Variants in ANKRD13C observed in about 807,000 individuals in gnomAD.
The protein encoded by ANKRD13C is ankyrin repeat domain-containing protein 13C.
In ANKRD13C, 16 loss-of-function variants were observed where a neutral mutation model predicts 65.5. The ratio of observed to expected loss-of-function variants is 0.24; its 90% CI spans 0.17 to 0.37. ANKRD13C has a LOEUF of 0.37. ANKRD13C is among the 10% of genes least tolerant of loss of function. The pLI, the probability that ANKRD13C is intolerant of heterozygous loss-of-function variation, is 1.00. For missense variants in ANKRD13C, 503 were observed against 655.9 expected, an observed-to-expected ratio of 0.77 and a Z score of 2.55; for synonymous variants, 235 against 238.7, an observed-to-expected ratio of 0.98 and a Z score of 0.14.
At chr1:70,350,048 CAGG>C (rs1367366486) in intron 1 of ANKRD13C, among the ~76,000 whole-genome samples, 1 of 152,194 alleles carries the variant, frequency 6.6e-6, no homozygotes, top group South Asian at 2.1e-4. Context: ...GAGGCTGAGA[CAGG>C]AGAATTGCTT....
intron 11 of ANKRD13C, among the ~76,000 whole-genome samples, chr1:70,274,493 A>AG (rs1395806889): frequency 2.2e-4 from 32 of 147,652 alleles, no homozygotes; most frequent in African/African-American, 7.3e-4. Flanking sequence ...AAAAAAAAAA[A>AG]AAAGAAAGAA....
At chr1:70,273,674 C>CT (rs571456040) in intron 11 of ANKRD13C, among the ~76,000 whole-genome samples, 440 of 146,262 alleles carry the variant, frequency 3.0e-3, no homozygotes, top group Middle Eastern at 0.017. Flanking sequence ...TTTCTTTTTT[C>CT]TTTTTTTTTT....
chr1:70,307,101 A>G (rs1390657150), intron 5 of ANKRD13C, among the ~76,000 whole-genome samples: 1 of 152,248 alleles, frequency 6.6e-6, no homozygotes, highest in Non-Finnish European at 1.5e-5. Context: ...TACGGCAGAT[A>G]TATCTTACAA....
At chr1:70,275,943 C>A (rs1467268440) in intron 10 of ANKRD13C, among the ~76,000 whole-genome samples, 5 of 109,052 alleles carry the variant, frequency 4.6e-5, no homozygotes, top group Admixed American at 1.3e-4. Context: ...GCCTGGGCGA[C>A]AGAGCAAGAC....
At chr1:70,304,027 C>T (rs1680485622) in intron 6 of ANKRD13C, among the ~76,000 whole-genome samples, 1 of 152,052 alleles carries the variant, frequency 6.6e-6, no homozygotes, top group African/African-American at 2.4e-5. Context: ...GGCTTTTGCC[C>T]TCATGTTCCT....
chr1:70,296,085 A>C (rs760688301), intron 8 of ANKRD13C, 45 bp downstream of exon 8: 12 of 1,597,106 alleles, frequency 7.5e-6, no homozygotes, highest in Middle Eastern at 3.3e-4. Context: ...GAAATATTAA[A>C]TACCGAACAA....
At chr1:70,347,041 G>A (rs1204389961) in intron 1 of ANKRD13C, among the ~76,000 whole-genome samples, 2 of 138,526 alleles carry the variant, frequency 1.4e-5, no homozygotes, top group African/African-American at 2.7e-5. Flanking sequence ...GCAGTGAGCC[G>A]AGATCGCGCC....
chr1:70,350,188 G>A (rs894225644), intron 1 of ANKRD13C, among the ~76,000 whole-genome samples: 1 of 152,150 alleles, frequency 6.6e-6, no homozygotes, highest in Non-Finnish European at 1.5e-5. Context: ...GCATAACTAA[G>A]TATATGCTGC....
chr1:70,285,680 C>T (rs932172900), intron 9 of ANKRD13C, among the ~76,000 whole-genome samples: 3 of 146,212 alleles, frequency 2.1e-5, no homozygotes, highest in South Asian at 4.3e-4. Context: ...ACCCAGGCTG[C>T]AGTAGGGTGG....
At chr1:70,325,803 C>T (rs753996145) in intron 2 of ANKRD13C, among the ~76,000 whole-genome samples, 13 of 152,026 alleles carry the variant, frequency 8.6e-5, no homozygotes, top group Non-Finnish European at 1.5e-4. Context: ...CGCTTGAACC[C>T]GGGAGGCAGA....
chr1:70,282,216 G>T (rs929912029), intron 9 of ANKRD13C, among the ~76,000 whole-genome samples: 27 of 151,480 alleles, frequency 1.8e-4, no homozygotes, highest in Non-Finnish European at 3.5e-4. Flanking sequence ...CACCACGCCC[G>T]GCTAATTTTT....
chr1:70,296,176 G>T lies in ANKRD13C; in HGVS notation c.1007C>A (p.Ser336Tyr). ...CCATCCTGTCTGGGCACGCGTGAAA[G>T]AAATTGATTTTGTTGATAAAGTTGC... ...YSATLSTKSI[S>Y]FTRAQTGWLF... The change falls in exon 8 of 13, where the codon TCT (serine) becomes TAT (tyrosine). Residue 336 changes from serine to tyrosine, a missense_variant. Ser to Tyr is a moderately radical substitution (Grantham distance 144). Around this residue, in one of 2 missense-constraint regions of ANKRD13C, gnomAD observed 300 missense variants for 478.3 expected, o/e 0.63. Coordinates refer to ENST00000370944, the MANE Select transcript of ANKRD13C (RefSeq NM_030816.5). 1 of 1,613,986 alleles carries T rather than the reference G, an allele frequency of 6.2e-7. No individual in the cohort carries two copies. The highest frequency in any genetic ancestry group is 8.5e-7 in the Non-Finnish European group (1 of 1,179,950).
intron 9 of ANKRD13C, 73 bp downstream of exon 9, chr1:70,292,315 G>T: frequency 2.5e-6 from 3 of 1,196,446 alleles, no homozygotes; most frequent in Non-Finnish European, 3.4e-6. Flanking sequence ...TATACTTACT[G>T]AATGCCACCA....
intron 3 of ANKRD13C, 86 bp downstream of exon 3, chr1:70,324,767 C>A (rs780826274): frequency 2.9e-4 from 288 of 979,558 alleles, no homozygotes; most frequent in Non-Finnish European, 9.3e-5. Flanking sequence ...CATATTATGG[C>A]AAGTTACAAT....
At chr1:70,342,154 T>G (rs908206181) in intron 1 of ANKRD13C, among the ~76,000 whole-genome samples, 2 of 151,498 alleles carry the variant, frequency 1.3e-5, no homozygotes, top group African/African-American at 4.9e-5. Context: ...CAAGTTAATT[T>G]TAAAATAACT....
intron 3 of ANKRD13C, among the ~76,000 whole-genome samples, chr1:70,317,059 G>T (rs1222744523): frequency 2.6e-4 from 1 of 3,904 alleles, no homozygotes; most frequent in Admixed American, 5.7e-3. Flanking sequence ...GCTTGGACTA[G>T]ATTTTTTTTT....
intron 1 of ANKRD13C, among the ~76,000 whole-genome samples, chr1:70,342,054 T>C (rs1332320688): frequency 6.6e-6 from 1 of 151,576 alleles, no homozygotes; most frequent in Non-Finnish European, 1.5e-5. Context: ...AGTGACTGGC[T>C]TGAGCAACTA....
intron 9 of ANKRD13C, among the ~76,000 whole-genome samples, chr1:70,289,406 A>C (rs1407229909): frequency 6.6e-6 from 1 of 152,156 alleles, no homozygotes; most frequent in Non-Finnish European, 1.5e-5. Context: ...ACAGTCCATG[A>C]AACAGCATTC....
At chr1:70,264,678 C>A (rs1055919928) in intron 12 of ANKRD13C, among the ~76,000 whole-genome samples, 11 of 151,884 alleles carry the variant, frequency 7.2e-5, no homozygotes, top group African/African-American at 2.7e-4. Flanking sequence ...GTTTGCTGAC[C>A]CCGTTCTAGG....
Sources: allele counts gnomAD v4.1 joint callset (sites outside exome capture counted in the v4.1 genomes callset), GRCh38; gene constraint gnomAD v4.1.1; regional missense constraint gnomAD v4.1.1; transcripts MANE v1.5; gene names NCBI Gene and HGNC (gene_info 2026-07-23, HGNC 2026-07-21).